Variants in KIF1B observed in about 807,000 individuals in gnomAD.
KIF1B encodes the protein kinesin family member 1B.
KIF1B carries 76 observed loss-of-function variants against 241.9 expected under a neutral mutation model. That is an observed-to-expected ratio of 0.31 (90% confidence interval 0.26 to 0.38). The LOEUF is 0.38. Ranked by LOEUF, KIF1B falls within the 10% of genes least tolerant of loss-of-function variation. KIF1B has a pLI of 1.00. For missense variants in KIF1B, 1,622 were observed against 2,271.4 expected (o/e 0.71, Z 5.81); for synonymous variants, 750 against 796.7 (o/e 0.94, Z 0.99).
chr1:10,218,020 A>T (rs1269811091), intron 1 of KIF1B, among the ~76,000 whole-genome samples: 1 of 152,138 alleles, frequency 6.6e-6, no homozygotes, highest in Non-Finnish European at 1.5e-5. Context: ...TTCCTATTAC[A>T]AATAAAGGGC....
chr1:10,276,270 ATT>A (rs1053377452), intron 11 of KIF1B, 49 bp from the exon 12 acceptor site: 2 of 1,233,472 alleles, frequency 1.6e-6, no homozygotes, highest in African/African-American at 3.0e-5. Flanking sequence ...ATTCCATAAA[ATT>A]TTTCTTCTAA....
intron 22 of KIF1B, chr1:10,305,601 A>G (rs1650790479): frequency 2.8e-6 from 3 of 1,058,018 alleles, no homozygotes; most frequent in Non-Finnish European, 3.4e-6. Flanking sequence ...GTGAAATAAA[A>G]GTTAACTTTG....
At chr1:10,366,100 G>A (rs145802113) in intron 43 of KIF1B, among the ~76,000 whole-genome samples, 4,174 of 151,954 alleles carry the variant, frequency 0.027, 64 homozygotes, top group Admixed American at 0.045. Context: ...GCGTGGTGGC[G>A]AGCGCCTGTA....
chr1:10,232,430 G>C lies in KIF1B; in HGVS notation c.102G>C (p.Ser34=). The C allele has an allele frequency of 6.2e-7, 1 of 1,605,214 alleles. No homozygotes were observed. The highest frequency in any genetic ancestry group is 1.1e-5 in the South Asian group (1 of 90,794). Residue 34 remains serine (S), a synonymous_variant, in exon 2 of 49, where the codon TCG becomes TCC. Transcript: ENST00000676179. The part of the protein sequence containing the change: ...SKCIIQMQGN[S]TSIINPKNPK... ...GCATCATTCAGATGCAAGGCAACTC[G>C]ACCAGTGAGTACATGTTGTTTTCTC...
In KIF1B at chr1:10,317,533, A is replaced by T. The variant is rs1009910622; in HGVS notation, c.2116-2510A>T. On this transcript the variant is annotated intron_variant, in intron 22 of 48. Coordinates refer to ENST00000676179, the MANE Select transcript of KIF1B (RefSeq NM_001365951.3). ...GTATGCTTAAACAATAACCTTTTAT[A>T]AAAAAACATTGCCTGAGGCCAGGCG... Among the ~76,000 whole-genome samples the T allele has an allele frequency of 3.0e-4, 45 of 151,418 alleles. 3 individuals carry two copies. The highest frequency in any genetic ancestry group is 9.8e-4 in the African/African-American group (40 of 40,818).
intron 23 of KIF1B, 69 bp from the exon 24 acceptor site, chr1:10,321,640 C>A: frequency 2.7e-6 from 4 of 1,498,264 alleles, no homozygotes; most frequent in South Asian, 1.1e-5. Flanking sequence ...AAGAGATAAG[C>A]TAGAAGAGAG....
intron 1 of KIF1B, among the ~76,000 whole-genome samples, chr1:10,218,113 G>C (rs1046516844): frequency 3.3e-5 from 5 of 151,922 alleles, no homozygotes; most frequent in Non-Finnish European, 2.9e-5. Flanking sequence ...GCTCATCATA[G>C]CCAGGCTCTG....
chr1:10,210,785 C>G lies in KIF1B; in HGVS notation c.-173C>G, dbSNP rs1194846244. 1 of 149,362 alleles carries G rather than the reference C, an allele frequency of 6.7e-6. No homozygotes were observed. Among genetic ancestry groups the G allele is most frequent in the African/African-American group, 2.4e-5 (1 of 41,152 alleles). 9.3% of individuals were successfully genotyped at this position (149,362 alleles called of 1,614,324 possible). On this transcript the variant is annotated 5_prime_UTR_variant, in exon 1 of 49. Coordinates refer to ENST00000676179, the MANE Select transcript of KIF1B (RefSeq NM_001365951.3). This position sits in a 1 kb window ranked among gnomAD's most constrained non-coding sequence, Gnocchi z 4.1. Reference sequence around the variant, plus strand: ...CCTGCGGCTCGCGGCGGCCGCTGCTCGCGCTGAGGTGCGTCGGTGCCCGGC... The same window carrying G: ...CCTGCGGCTCGCGGCGGCCGCTGCTGGCGCTGAGGTGCGTCGGTGCCCGGC...
At chr1:10,229,891 A>AAAAAG (rs1557650972) in intron 1 of KIF1B, among the ~76,000 whole-genome samples, 4 of 149,962 alleles carry the variant, frequency 2.7e-5, no homozygotes, top group South Asian at 2.1e-4. Context: ...AAAAAAAAAA[A>AAAAAG]AAAAGAAAAG....
At chr1:10,238,944 G>GT (rs1557657168) in intron 2 of KIF1B, among the ~76,000 whole-genome samples, 1 of 151,834 alleles carries the variant, frequency 6.6e-6, no homozygotes, top group Admixed American at 6.6e-5. Context: ...TTTTCTTTCA[G>GT]TTTTTTTGTT....
intron 1 of KIF1B, among the ~76,000 whole-genome samples, chr1:10,219,438 C>G (rs1412995233): frequency 6.6e-6 from 1 of 150,728 alleles, no homozygotes; most frequent in African/African-American, 2.4e-5. Flanking sequence ...CCAGCTTGGG[C>G]AACAAGAGCA....
intron 45 of KIF1B, among the ~76,000 whole-genome samples, chr1:10,372,668 CACCCA>C (rs1638775878): frequency 8.1e-6 from 1 of 122,978 alleles, no homozygotes; most frequent in African/African-American, 3.2e-5. Flanking sequence ...ACAGAGCTGT[CACCCA>C]AGCTGGCGCG....
intron 39 of KIF1B, 117 bp downstream of exon 39, chr1:10,361,160 T>A (rs1638411760): frequency 2.7e-6 from 2 of 747,482 alleles, no homozygotes; most frequent in East Asian, 5.0e-5. Flanking sequence ...TTCCTCCACA[T>A]CCTTAAGTTT....
chr1:10,289,637 A>C lies in KIF1B; in HGVS notation c.1435-1445A>C, dbSNP rs376709040. ...GGTGGCTCACACCTGTAATCCCAGC[A>C]CTTTGGGAGGCTGAAGCGGGCCGAT... On this transcript the variant is annotated intron_variant, in intron 15 of 48. Coordinates refer to ENST00000676179, the MANE Select transcript of KIF1B (RefSeq NM_001365951.3). Among the ~76,000 whole-genome samples, 5 of 152,294 alleles carry C rather than the reference A, an allele frequency of 3.3e-5. No homozygotes were observed. In the East Asian group the frequency reaches 5.8e-4, roughly 18 times the overall value.
rs36075139 is a variant in KIF1B, at chr1:10,250,341, C to CTTT, written c.107-5893_107-5891dup. On this transcript the variant is annotated intron_variant, in intron 2 of 48. Coordinates refer to ENST00000676179, the MANE Select transcript of KIF1B (RefSeq NM_001365951.3). ...AACACCTAAATACAGTATTTCTTAA[C>CTTT]TTTTTTTTTTTTTTTGAAACGGAGC... Among the ~76,000 whole-genome samples, 191 of 143,068 alleles carry CTTT rather than the reference C, an allele frequency of 1.3e-3. 1 individual carries two copies. Among genetic ancestry groups the CTTT allele is most frequent in the Non-Finnish European group, 2.4e-3 (158 of 65,672 alleles). The allele number at this position is 143,068 out of a possible 152,430, so 93.9% of individuals were successfully genotyped here.
chr1:10,290,084 A>G (rs1649916734), intron 15 of KIF1B, among the ~76,000 whole-genome samples: 3 of 152,114 alleles, frequency 2.0e-5, no homozygotes, highest in African/African-American at 4.8e-5. Context: ...TCTCTCTGGT[A>G]TACAGTAACC....
intron 2 of KIF1B, among the ~76,000 whole-genome samples, chr1:10,235,682 G>T (rs1345445841): frequency 6.6e-6 from 1 of 152,044 alleles, no homozygotes; most frequent in Admixed American, 6.6e-5. Context: ...CCAACATGAT[G>T]AAACCTCGTC....
In KIF1B at chr1:10,378,208, G is replaced by A. The variant is rs778987329; in HGVS notation, c.*1621G>A. On this transcript the variant is annotated 3_prime_UTR_variant, in exon 49 of 49. Coordinates refer to ENST00000676179, the MANE Select transcript of KIF1B (RefSeq NM_001365951.3). The stretch of plus-strand genomic sequence containing the variant: ...CAAAACACAATATGCCTAGGGGCAC[G>A]GATGAACGTCCAGGGAGCCCGGGCC... The A allele has an allele frequency of 1.5e-5, 10 of 666,876 alleles. No homozygotes were observed. The highest frequency in any genetic ancestry group is 2.7e-5 in the East Asian group (1 of 36,950). 41.3% of individuals were successfully genotyped at this position (666,876 alleles called of 1,614,324 possible).
At chr1:10,305,408 G>A in intron 22 of KIF1B, 1 of 1,054,442 alleles carries the variant, frequency 9.5e-7, no homozygotes, top group Non-Finnish European at 1.1e-6. Flanking sequence ...TGTATCATTT[G>A]ACACACATGC....
Sources: allele counts gnomAD v4.1 joint callset (sites outside exome capture counted in the v4.1 genomes callset), GRCh38; gene constraint gnomAD v4.1.1; non-coding constraint Gnocchi (gnomAD v3.1); transcripts MANE v1.5; gene names NCBI Gene and HGNC (gene_info 2026-07-23, HGNC 2026-07-21).